The following PTPN3 variants were observed in gnomAD, a reference collection of about 807,000 sequenced individuals.
PTPN3 encodes the protein protein tyrosine phosphatase non-receptor type 3.
In PTPN3, 96 loss-of-function variants were observed where a neutral mutation model predicts 132.7. The observed-to-expected ratio is 0.72, with a 90% CI of 0.61 to 0.86. The LOEUF is 0.86. Among genes scored for constraint, PTPN3 ranks in the 40% least tolerant of loss-of-function variants. The probability of loss-of-function intolerance (pLI) is 0.00; values close to 1 mark genes in which losing one functional copy is unlikely to be tolerated. For missense variants in PTPN3, 1,125 were observed against 1,159.6 expected, an observed-to-expected ratio of 0.97 and a Z score of 0.43; for synonymous variants, 398 against 429.0, an observed-to-expected ratio of 0.93 and a Z score of 0.89.
At position 109,496,072 on chromosome 9, in the gene PTPN3, T is replaced by G. The variant is rs958051899; in HGVS notation, c.-18+2147A>C. On this transcript the variant is annotated intron_variant, in intron 1 of 25. Coordinates refer to ENST00000374541, the MANE Select transcript of PTPN3 (RefSeq NM_002829.4). ...GCCTTCAGTAACTTGACCTTTTATA[T>G]TCCCCAGCTAATGTCTAATTTGCAT... Among the ~76,000 whole-genome samples the G allele has an allele frequency of 3.3e-5, 5 of 152,218 alleles. 1 individual carries two copies. The highest frequency in any genetic ancestry group is 5.9e-5 in the Non-Finnish European group (4 of 68,036).
chr9:109,447,263 G>A (rs749390592), intron 6 of PTPN3, among the ~76,000 whole-genome samples: 4 of 152,140 alleles, frequency 2.6e-5, no homozygotes, highest in Admixed American at 6.5e-5. Context: ...TTTGACCAGC[G>A]TAGTTCGGTG....
At chr9:109,535,542 C>CT in the PTPN3 span, among the ~76,000 whole-genome samples, 1 of 151,858 alleles carries the variant, frequency 6.6e-6, no homozygotes, top group African/African-American at 2.4e-5. Context: ...GAGTTTCTCT[C>CT]TGTCGCCCAG....
At chr9:109,504,898 GT>G in the PTPN3 span, among the ~76,000 whole-genome samples, 5 of 152,214 alleles carry the variant, frequency 3.3e-5, no homozygotes, top group African/African-American at 1.2e-4. Context: ...GAAAGGGGTG[GT>G]GTCATCTTAC....
At chr9:109,492,755 T>C (rs1022908952) in intron 1 of PTPN3, among the ~76,000 whole-genome samples, 1 of 152,208 alleles carries the variant, frequency 6.6e-6, no homozygotes, top group African/African-American at 2.4e-5. Context: ...CTGCTAAAAC[T>C]GCCTGTTATA....
intron 1 of PTPN3, among the ~76,000 whole-genome samples, chr9:109,479,039 A>AG (rs1471183141): frequency 2.0e-5 from 3 of 150,936 alleles, no homozygotes; most frequent in African/African-American, 7.3e-5. Flanking sequence ...TAAAATATAT[A>AG]GGACCTAACG....
At chr9:109,532,908 C>T in the PTPN3 span, 62 of 972,396 alleles carry the variant, frequency 6.4e-5, no homozygotes, top group Non-Finnish European at 8.1e-5. Context: ...GCTTTTGTCT[C>T]TTTGCCACCT....
chr9:109,413,848 CAGAA>C (rs1842269200), intron 14 of PTPN3, among the ~76,000 whole-genome samples: 1 of 152,160 alleles, frequency 6.6e-6, no homozygotes, highest in African/African-American at 2.4e-5. Flanking sequence ...CAGCAGGCAT[CAGAA>C]AGAAACACTC....
chr9:109,412,899 C>T lies in PTPN3; in HGVS notation c.1314-2484G>A, dbSNP rs187820981. ...AGTACTACTACTATTACTATTGCTG[C>T]TAGTACTAATACTATATTCCAAGTC... is the stretch of plus-strand genomic sequence containing the variant. On this transcript the variant is annotated intron_variant, in intron 14 of 25. Transcript: ENST00000374541. Among the ~76,000 whole-genome samples, 89 of 151,862 alleles carry T rather than the reference C, an allele frequency of 5.9e-4. No individual in the cohort carries two copies. The East Asian group carries it at 0.016, about 27-fold the overall frequency.
chr9:109,433,689 T>C (rs374198073), intron 9 of PTPN3, among the ~76,000 whole-genome samples: 54 of 152,278 alleles, frequency 3.5e-4, no homozygotes, highest in African/African-American at 8.2e-4. Context: ...GTGGATCCCT[T>C]GAGCCCAGGA....
At chr9:109,501,930 C>T (rs1847868717), upstream of PTPN3, among the ~76,000 whole-genome samples, 1 of 152,200 alleles carries the variant, frequency 6.6e-6, no homozygotes, top group Admixed American at 6.5e-5. Flanking sequence ...GAGCAGCCCT[C>T]CTCCTGCGAA....
At chr9:109,463,601 G>A (rs971001279) in intron 1 of PTPN3, 150 bp from the exon 2 acceptor site, 70 of 635,044 alleles carry the variant, frequency 1.1e-4, no homozygotes, top group Non-Finnish European at 1.7e-4. Flanking sequence ...TTCCAATTGA[G>A]TTTTGACTTC....
intron 1 of PTPN3, among the ~76,000 whole-genome samples, chr9:109,464,744 A>G (rs886731790): frequency 6.6e-6 from 1 of 152,270 alleles, no homozygotes; most frequent in Non-Finnish European, 1.5e-5. Flanking sequence ...ACTATACAGC[A>G]AAAGAAAGAA....
chr9:109,468,332 C>T (rs962765019), intron 1 of PTPN3, among the ~76,000 whole-genome samples: 3 of 152,066 alleles, frequency 2.0e-5, no homozygotes, highest in Admixed American at 6.5e-5. Context: ...CAATAGCAAA[C>T]GAAGCTCTAT....
intron 7 of PTPN3, among the ~76,000 whole-genome samples, chr9:109,439,074 T>C (rs80027213): frequency 0.051 from 7,700 of 152,120 alleles, 375 homozygotes; most frequent in East Asian, 0.29. Context: ...ATGCCTATGA[T>C]GTGATGGGCA....
intron 25 of PTPN3, among the ~76,000 whole-genome samples, chr9:109,380,906 T>C (rs1175957423): frequency 1.3e-5 from 2 of 152,088 alleles, no homozygotes; most frequent in Non-Finnish European, 1.5e-5. Context: ...TAGATACTCT[T>C]CCACCATGTT....
intron 10 of PTPN3, among the ~76,000 whole-genome samples, chr9:109,429,694 G>T (rs1843525686): frequency 6.6e-6 from 1 of 152,168 alleles, no homozygotes; most frequent in Non-Finnish European, 1.5e-5. Flanking sequence ...AGCCAACTGT[G>T]TGACAAGTCT....
Position 109,381,532 on chromosome 9 carries a change from G to A in PTPN3, c.2664+120C>T. 3 of 1,405,472 alleles carry A rather than the reference G, an allele frequency of 2.1e-6. No individual in the cohort carries two copies. In the South Asian group the frequency reaches 3.9e-5, roughly 18 times the overall value. 87.1% of individuals were successfully genotyped at this position (1,405,472 alleles called of 1,614,324 possible). Reference sequence around the variant, plus strand: ...GCCACTGACAAGCTCTGTGACCTTGGGCAAGTGATTCAGTCCCCCTGAGCT... The same window carrying A: ...GCCACTGACAAGCTCTGTGACCTTGAGCAAGTGATTCAGTCCCCCTGAGCT... On this transcript the variant is annotated intron_variant, in intron 25 of 25. Transcript: ENST00000374541.
chr9:109,426,010 T>C (rs1159648294), intron 12 of PTPN3, among the ~76,000 whole-genome samples: 1 of 121,706 alleles, frequency 8.2e-6, no homozygotes, highest in Admixed American at 9.5e-5. Context: ...TAAGACTCCA[T>C]CTCAAAAAAA....
At chr9:109,451,275 A>T (rs1246013564) in intron 5 of PTPN3, 1 of 985,022 alleles carries the variant, frequency 1.0e-6, no homozygotes, top group Non-Finnish European at 1.2e-6. Context: ...GCTCTATAAG[A>T]GTTATGGGGG....
Sources: gnomAD v4.1 joint callset for allele counts (sites outside exome capture counted in the v4.1 genomes callset) on GRCh38, gnomAD v4.1.1 for gene constraint, MANE v1.5 for transcripts, NCBI Gene and HGNC (gene_info 2026-07-23, HGNC 2026-07-21) for gene names.